The following HOOK3 variants were observed in gnomAD, a reference collection of about 807,000 sequenced individuals.
HOOK3 encodes the protein hook microtubule tethering protein 3.
A neutral mutation model predicts 116.3 loss-of-function variants in HOOK3; 24 were observed. That is an observed-to-expected ratio of 0.21 (90% confidence interval 0.15 to 0.29). The LOEUF (loss-of-function observed/expected upper bound fraction) is 0.29, where lower values mean the gene tolerates loss of function less well. Ranked by LOEUF, HOOK3 falls within the 10% of genes least tolerant of loss-of-function variation. HOOK3 has a pLI of 1.00. For missense variants in HOOK3, 632 were observed against 830.2 expected (o/e 0.76, Z 2.93); for synonymous variants, 275 against 283.0 (o/e 0.97, Z 0.28).
chr8:42,957,580 G>T (rs1808459389), intron 7 of HOOK3, among the ~76,000 whole-genome samples: 1 of 151,950 alleles, frequency 6.6e-6, no homozygotes, highest in African/African-American at 2.4e-5. Context: ...CATTTTCTTG[G>T]AAAATGACAT....
intron 15 of HOOK3, 102 bp from the exon 16 acceptor site, chr8:42,997,448 A>G (rs1809300028): frequency 3.0e-6 from 2 of 674,188 alleles, no homozygotes; most frequent in Non-Finnish European, 5.2e-6. Context: ...ATAACATGAG[A>G]CTTGATTTTG....
chr8:42,940,943 T>TTTAC (rs1808104112), intron 4 of HOOK3, among the ~76,000 whole-genome samples: 3 of 150,746 alleles, frequency 2.0e-5, no homozygotes, highest in South Asian at 4.1e-4. Flanking sequence ...TATTTATTTA[T>TTTAC]TTACTTACTT....
Position 42,990,325 on chromosome 8 carries a change from CTTTTTTTTTTTTTTTTTTT to C in HOOK3, c.1532+3549_1532+3567del, listed in dbSNP as rs59033055. On this transcript the variant is annotated intron_variant, in intron 15 of 21. Coordinates refer to ENST00000307602, the MANE Select transcript of HOOK3 (RefSeq NM_032410.4). ...TTGAGAAATAAATATCTGTTTAGATCTTTTTTTTTTTTTTTTTTTTTTTTTTTTTTTTTTTTTGAGGATC... is the reference window on the plus strand; with the variant it reads ...TTGAGAAATAAATATCTGTTTAGATCTTTTTTTTTTTTTTTTTTGAGGATC... 7.1e-4 allele frequency among the ~76,000 whole-genome samples: 27 copies of C among 37,904 alleles called. 2 individuals are homozygous for C. The South Asian group carries it at 0.018, about 26-fold the overall frequency. 24.9% of individuals were successfully genotyped at this position (37,904 alleles called of 152,430 possible). A position where few individuals can be genotyped will look rare whatever the true frequency, so the allele number is the denominator to read the frequency against.
At position 42,996,385 on chromosome 8, in the gene HOOK3, CAAAAAAAAAA is replaced by C. The variant is rs529268164; in HGVS notation, c.1533-1156_1533-1147del. Reference sequence around the variant, plus strand: ...TGGGCAACAGAAGGAGACTCCGTCTCAAAAAAAAAAAAAAAAAAGAAAAAGAAAAAGAAAA... The same window carrying C: ...TGGGCAACAGAAGGAGACTCCGTCTCAAAAAAAAGAAAAAGAAAAAGAAAA... On this transcript the variant is annotated intron_variant, in intron 15 of 21. Transcript: ENST00000307602. Among the ~76,000 whole-genome samples the C allele has an allele frequency of 1.7e-3, 95 of 55,980 alleles. 1 individual carries two copies. The highest frequency in any genetic ancestry group is 4.7e-4 in the Non-Finnish European group (12 of 25,688). 36.7% of individuals were successfully genotyped at this position (55,980 alleles called of 152,430 possible).
intron 2 of HOOK3, among the ~76,000 whole-genome samples, chr8:42,906,500 A>G (rs1448342248): frequency 2.0e-5 from 3 of 152,140 alleles, no homozygotes; most frequent in Non-Finnish European, 2.9e-5. Flanking sequence ...TTTTTGGCAT[A>G]TGCTTGGCAG....
In HOOK3 at chr8:42,968,149, A is replaced by C. The variant is rs762740164; in HGVS notation, c.1057A>C (p.Ser353Arg). 1 of 1,613,924 alleles carries C rather than the reference A, an allele frequency of 6.2e-7. No homozygotes were observed. The highest frequency in any genetic ancestry group is 8.5e-7 in the Non-Finnish European group (1 of 1,179,808). Reference sequence around the variant, plus strand: ...TACCATGTATATGCAGAATACTGTCAGTCTAGAGGAAGAGTTAAGAAAGGC... The same window carrying C: ...TACCATGTATATGCAGAATACTGTCCGTCTAGAGGAAGAGTTAAGAAAGGC... ...KNTMYMQNTV[S>R]LEEELRKANA... The change falls in exon 11 of 22, where the codon AGT becomes CGT. Residue 353 changes from serine to arginine, a missense_variant. Physicochemically the swap from Ser to Arg is moderately radical, Grantham distance 110. This residue lies in a region of HOOK3 where 483 missense variants were observed against 648.1 expected (regional missense o/e 0.75). Transcript: ENST00000307602.
intron 19 of HOOK3, 42 bp downstream of exon 19, chr8:43,010,447 C>A: frequency 3.0e-6 from 2 of 674,478 alleles, no homozygotes; most frequent in South Asian, 2.6e-5. Context: ...ACCTTCTGAT[C>A]ACATTTCAGT....
chr8:42,905,643 C>G (rs956804469), intron 1 of HOOK3, among the ~76,000 whole-genome samples: 11 of 151,946 alleles, frequency 7.2e-5, no homozygotes, highest in African/African-American at 1.9e-4. Flanking sequence ...ACCCAGTATC[C>G]ACCACGATTT....
In HOOK3 at chr8:42,973,409, T is replaced by C; in HGVS notation, c.1233+10T>C. ...TCAAAAAGAAAAGGACGTGAGTATA[T>C]ATATTAGGCATTTTGGTTTTGAGCA... On this transcript the variant is annotated intron_variant, in intron 12 of 21. Coordinates refer to ENST00000307602, the MANE Select transcript of HOOK3 (RefSeq NM_032410.4). The C allele has an allele frequency of 1.3e-6, 2 of 1,577,668 alleles. No homozygotes were observed. The highest frequency in any genetic ancestry group is 1.7e-6 in the Non-Finnish European group (2 of 1,160,824).
chr8:42,907,399 A>T (rs1307880707), intron 2 of HOOK3, among the ~76,000 whole-genome samples: 2 of 152,166 alleles, frequency 1.3e-5, no homozygotes, highest in African/African-American at 2.4e-5. Flanking sequence ...CTTAAAATGC[A>T]TGGTACATTT....
Position 42,966,621 on chromosome 8 carries a change from C to T in HOOK3, c.920+8C>T. 6.2e-7 allele frequency: 1 copy of T among 1,613,804 alleles called. No individual in the cohort carries two copies. Among genetic ancestry groups the T allele is most frequent in the East Asian group, 2.2e-5 (1 of 44,876 alleles). On this transcript the variant is annotated splice_region_variant and intron_variant, in intron 10 of 21. Coordinates refer to ENST00000307602, the MANE Select transcript of HOOK3 (RefSeq NM_032410.4). ...TGAGATCGACGTGCTGAGGTAAAAA[C>T]CTCACCTTCACCGCCCAGCACAGTT...
At chr8:42,916,195 G>C (rs1380048616) in intron 2 of HOOK3, among the ~76,000 whole-genome samples, 5 of 152,086 alleles carry the variant, frequency 3.3e-5, no homozygotes, top group African/African-American at 9.7e-5. Flanking sequence ...TAATATTGCC[G>C]CCGCCTCTTA....
intron 18 of HOOK3, among the ~76,000 whole-genome samples, chr8:43,008,651 A>ATTTT (rs1427500161): frequency 6.8e-6 from 1 of 146,434 alleles, no homozygotes; most frequent in African/African-American, 2.5e-5. Context: ...TTTTATTTTT[A>ATTTT]TTTTTATTTT....
At position 43,020,422 on chromosome 8, in the gene HOOK3, A is replaced by G. The variant is rs1407659941; in HGVS notation, c.*1924A>G. 1.6e-5 allele frequency: 3 copies of G among 189,966 alleles called. No individual in the cohort carries two copies. In the East Asian group the frequency reaches 2.5e-4, roughly 16 times the overall value. 11.8% of individuals were successfully genotyped at this position (189,966 alleles called of 1,614,324 possible). ...AGCCTGAGGATCCAACTATTTTTAAAGCAAATTGGGGCCAGACGTGGTGCC... is the reference window on the plus strand; with the variant it reads ...AGCCTGAGGATCCAACTATTTTTAAGGCAAATTGGGGCCAGACGTGGTGCC... On this transcript the variant is annotated 3_prime_UTR_variant, in exon 22 of 22. Coordinates refer to ENST00000307602, the MANE Select transcript of HOOK3 (RefSeq NM_032410.4).
chr8:43,012,739 A>G (rs1160728049), intron 19 of HOOK3, among the ~76,000 whole-genome samples: 1 of 152,070 alleles, frequency 6.6e-6, no homozygotes, highest in Non-Finnish European at 1.5e-5. Flanking sequence ...AGCTGGGACT[A>G]TAGGGGTGCA....
At chr8:43,006,598 C>T (rs965343733) in intron 17 of HOOK3, among the ~76,000 whole-genome samples, 3 of 152,226 alleles carry the variant, frequency 2.0e-5, no homozygotes, top group Non-Finnish European at 4.4e-5. Flanking sequence ...GCTAGGATTA[C>T]AGGCATGAAC....
intron 17 of HOOK3, 151 bp downstream of exon 17, chr8:43,002,292 T>C (rs1370629292): frequency 7.3e-6 from 4 of 545,712 alleles, no homozygotes; most frequent in South Asian, 2.6e-5. Context: ...AAGGGTCACT[T>C]CTCCCCAAGG....
chr8:42,939,900 A>T (rs1211343514), intron 4 of HOOK3, among the ~76,000 whole-genome samples: 2 of 145,308 alleles, frequency 1.4e-5, no homozygotes, highest in African/African-American at 5.3e-5. Context: ...CCGGGCAGAG[A>T]CACTCCTCAC....
chr8:42,933,933 GAGA>G (rs1238541164), intron 4 of HOOK3, among the ~76,000 whole-genome samples: 1 of 152,138 alleles, frequency 6.6e-6, no homozygotes, highest in African/African-American at 2.4e-5. Context: ...GCTTTGGTAT[GAGA>G]AGGAGTTTTT....
Sources: gnomAD v4.1 joint callset for allele counts (sites outside exome capture counted in the v4.1 genomes callset) on GRCh38, gnomAD v4.1.1 for gene constraint, gnomAD v4.1.1 regional missense constraint, MANE v1.5 for transcripts, NCBI Gene and HGNC (gene_info 2026-07-23, HGNC 2026-07-21) for gene names.